The following TRPV1 variants were observed in gnomAD, a reference collection of about 807,000 sequenced individuals.
The protein encoded by TRPV1 is OTRPC1.
A neutral mutation model predicts 82.3 loss-of-function variants in TRPV1; 82 were observed. The ratio of observed to expected loss-of-function variants is 1.00; its 90% confidence interval spans 0.83 to 1.20. The LOEUF is 1.20. Ranked by LOEUF, TRPV1 falls within the 50% of genes most tolerant of loss-of-function variation. TRPV1 has a pLI of 0.00. For synonymous variants in TRPV1, 515 were observed against 467.7 expected, an observed-to-expected ratio of 1.10 and a Z score of -1.30; for missense variants, 1,067 against 1,096.8, an observed-to-expected ratio of 0.97 and a Z score of 0.38.
intron 13 of TRPV1, among the ~76,000 whole-genome samples, chr17:3,575,625 A>C (rs564350631): frequency 6.6e-6 from 1 of 152,318 alleles, no homozygotes; most frequent in African/African-American, 2.4e-5. Flanking sequence ...TCTCCTTGAA[A>C]AGTATCCATC....
In TRPV1 at chr17:3,588,298, C is replaced by A. The variant is rs200488964; in HGVS notation, c.1114G>T (p.Glu372Ter). Residue 372 changes from glutamate to a stop codon, truncating the protein, a stop_gained, in exon 8 of 17, where the codon GAG (glutamate) becomes TAG (stop). Transcript: ENST00000572705. LOFTEE classifies it high-confidence loss of function. Reference sequence around the variant, plus strand: ...GAGTGCACGGGCCCGTAGGCCCACTCGGTGAACTTCCTGGACAGGTGCCTG... The same window carrying A: ...GAGTGCACGGGCCCGTAGGCCCACTAGGTGAACTTCCTGGACAGGTGCCTG... ...ECRHLSRKFT[E>*]WAYGPVHSSL... 5.7e-6 allele frequency: 9 copies of A among 1,574,006 alleles called. No individual in the cohort carries two copies. Among genetic ancestry groups the A allele is most frequent in the Non-Finnish European group, 7.8e-6 (9 of 1,160,290 alleles).
intron 2 of TRPV1, chr17:3,602,231 TTG>T (rs1179239589): frequency 6.6e-6 from 1 of 152,252 alleles, no homozygotes; most frequent in Admixed American, 6.5e-5. Flanking sequence ...CATGATTTTC[TTG>T]TGTCTTGCTT....
At chr17:3,577,500 G>T in intron 12 of TRPV1, 98 bp downstream of exon 12, 1 of 1,412,336 alleles carries the variant, frequency 7.1e-7, no homozygotes, top group Admixed American at 2.1e-5. Flanking sequence ...CCCCTTCCCA[G>T]GCACGACAGA....
chr17:3,578,370 T>C (rs2074961737), intron 11 of TRPV1: 1 of 152,010 alleles, frequency 6.6e-6, no homozygotes, highest in Non-Finnish European at 1.5e-5. Context: ...CATAAAAGGA[T>C]ATATAGTGGC....
At chr17:3,595,661 C>A (rs543906977) in intron 2 of TRPV1, 1 of 152,376 alleles carries the variant, frequency 6.6e-6, no homozygotes, top group South Asian at 2.1e-4. Context: ...AGCAAGAGAG[C>A]ACCTGTTAGC....
At chr17:3,567,707 CAA>C (rs745877860) in intron 16 of TRPV1, among the ~76,000 whole-genome samples, 2 of 150,568 alleles carry the variant, frequency 1.3e-5, no homozygotes, top group Non-Finnish European at 3.0e-5. Flanking sequence ...GAGCACCAGC[CAA>C]AGAGGCAGGA....
intron 12 of TRPV1, 31 bp downstream of exon 12, chr17:3,577,567 G>A: frequency 6.4e-7 from 1 of 1,559,430 alleles, no homozygotes; most frequent in Non-Finnish European, 8.7e-7. Flanking sequence ...AGCGGGCTCT[G>A]AGGAGACCCA....
intron 11 of TRPV1, among the ~76,000 whole-genome samples, chr17:3,579,172 T>C (rs546247114): frequency 7.2e-5 from 11 of 152,082 alleles, no homozygotes; most frequent in Non-Finnish European, 1.6e-4. Flanking sequence ...CCCTGAAATC[T>C]AAATTCTTTT....
rs1337652599 is a variant in TRPV1, at chr17:3,566,509, A to G, written c.*306T>C. On this transcript the variant is annotated 3_prime_UTR_variant, in exon 17 of 17. Coordinates refer to ENST00000572705, the MANE Select transcript of TRPV1 (RefSeq NM_080704.4). ...AATTCTGTCTCAAAAAAAAGAATAA[A>G]ATCAAAGAAAACAAGGGCCTAACAT... The G allele has an allele frequency of 9.2e-6, 2 of 216,492 alleles. No individual in the cohort carries two copies. Among genetic ancestry groups the G allele is most frequent in the African/African-American group, 4.6e-5 (2 of 43,870 alleles). The allele number at this position is 216,492 out of a possible 1,614,324, so 13.4% of individuals were successfully genotyped here.
intron 14 of TRPV1, 39 bp from the exon 15 acceptor site, chr17:3,572,288 G>A: frequency 6.3e-7 from 1 of 1,577,938 alleles, no homozygotes; most frequent in Non-Finnish European, 8.6e-7. Flanking sequence ...CTGAGGGGCA[G>A]AGGGTGCATC....
chr17:3,580,470 T>G lies in TRPV1; in HGVS notation c.1534A>C (p.Ser512Arg). ...AGTGTCACTTACAAAAGCATCTCAC[T>G]GTAGCTGTCCACAAACAGGGTCTTC... Reference protein sequence around the residue: ...SMKTLFVDSYSEMLFFLQSLF... With the variant: ...SMKTLFVDSYREMLFFLQSLF... The change falls in exon 11 of 17, where the codon AGT (serine) becomes CGT (arginine). Residue 512 changes from serine (S) to arginine (R), a missense_variant. Ser to Arg is a moderately radical substitution (Grantham distance 110, BLOSUM62 -1). Coordinates refer to ENST00000572705, the MANE Select transcript of TRPV1 (RefSeq NM_080704.4). 6.2e-7 allele frequency: 1 copy of G among 1,614,044 alleles called. No homozygotes were observed. The highest frequency in any genetic ancestry group is 2.2e-5 in the East Asian group (1 of 44,892).
intron 8 of TRPV1, among the ~76,000 whole-genome samples, chr17:3,586,823 A>T (rs1013633608): frequency 3.3e-5 from 5 of 152,192 alleles, no homozygotes; most frequent in African/African-American, 1.2e-4. Context: ...CCTGAGACTG[A>T]TGAGCCAAAA....
Position 3,588,822 on chromosome 17 carries a change from A to AAC in TRPV1, c.1045-456_1045-455insGT, listed in dbSNP as rs1409474175. ...AGAGCGAAACCTCATCTAAAAAAAA[A>AAC]AAAAAAAACAAAACACACAAACGTC... is the stretch of plus-strand genomic sequence containing the variant. On this transcript the variant is annotated intron_variant, in intron 7 of 16. Coordinates refer to ENST00000572705, the MANE Select transcript of TRPV1 (RefSeq NM_080704.4). 4 of 1,301,744 alleles carry AAC rather than the reference A, an allele frequency of 3.1e-6. No homozygotes were observed. The African/African-American group carries it at 4.6e-5, about 15-fold the overall frequency. 80.6% of individuals were successfully genotyped at this position (1,301,744 alleles called of 1,614,324 possible).
chr17:3,568,378 T>C (rs2074804286), intron 16 of TRPV1, among the ~76,000 whole-genome samples: 1 of 150,282 alleles, frequency 6.7e-6, no homozygotes, highest in Non-Finnish European at 1.5e-5. Flanking sequence ...CGCAAAGCTA[T>C]CTTTCAATAG....
intron 2 of TRPV1, among the ~76,000 whole-genome samples, chr17:3,603,268 G>C (rs55704247): frequency 6.6e-6 from 1 of 152,176 alleles, no homozygotes; most frequent in Non-Finnish European, 1.5e-5. Context: ...GCACCCTCCA[G>C]AAGTGGCTAG....
intron 10 of TRPV1, among the ~76,000 whole-genome samples, chr17:3,581,769 C>T (rs2075016334): frequency 6.8e-6 from 1 of 147,036 alleles, no homozygotes; most frequent in Non-Finnish European, 1.5e-5. Flanking sequence ...CCTGTAGTCC[C>T]AGCTACTCGG....
At chr17:3,571,269 G>T (rs1469616109) in intron 16 of TRPV1, among the ~76,000 whole-genome samples, 1 of 152,224 alleles carries the variant, frequency 6.6e-6, no homozygotes, top group Non-Finnish European at 1.5e-5. Context: ...AGGTGCCTGG[G>T]CTGGAGGTGC....
intron 2 of TRPV1, among the ~76,000 whole-genome samples, chr17:3,598,273 T>A (rs1019094101): frequency 1.3e-4 from 20 of 151,218 alleles, no homozygotes; most frequent in Admixed American, 2.6e-4. Flanking sequence ...CTGCCTGGGG[T>A]CGCTTGAAAG....
At chr17:3,592,500 G>T in intron 2 of TRPV1, 117 bp from the exon 3 acceptor site, 1 of 1,031,680 alleles carries the variant, frequency 9.7e-7, no homozygotes, top group Admixed American at 2.8e-5. Flanking sequence ...ACTCCAACTT[G>T]CTGCTGCCCC....
Sources: allele counts gnomAD v4.1 joint callset (sites outside exome capture counted in the v4.1 genomes callset), GRCh38; gene constraint gnomAD v4.1.1; transcripts MANE v1.5; gene names NCBI Gene and HGNC (gene_info 2026-07-23, HGNC 2026-07-21).